The following KATNAL1 variants were observed in gnomAD, a reference collection of about 807,000 sequenced individuals.
The protein encoded by KATNAL1 is katanin p60 ATPase-containing subunit A-like 1.
KATNAL1 carries 32 observed loss-of-function variants against 55.2 expected under a neutral mutation model. The observed-to-expected ratio is 0.58, with a 90% CI of 0.44 to 0.78. The LOEUF (loss-of-function observed/expected upper bound fraction) is 0.78. KATNAL1 is among the 30% of genes least tolerant of loss of function. KATNAL1 has a pLI of 0.00. For missense variants in KATNAL1, 466 were observed against 600.9 expected (o/e 0.78, Z 2.35); for synonymous variants, 193 against 193.6 (o/e 1.00, Z 0.02).
At position 30,202,884 on chromosome 13, in the gene KATNAL1, A is replaced by G. The variant is rs1872812781; in HGVS notation, c.*5656T>C. ...CGAGACACTGTGTCCACTCACAGCC[A>G]TGTTAACTGGGGGCCACTCCCTGCT... On this transcript the variant is annotated 3_prime_UTR_variant, in exon 11 of 11. Coordinates refer to ENST00000380615, the MANE Select transcript of KATNAL1 (RefSeq NM_032116.5). 6.6e-6 allele frequency: 1 copy of G among 152,210 alleles called. No individual in the cohort carries two copies. Among genetic ancestry groups the G allele is most frequent in the East Asian group, 1.9e-4 (1 of 5,202 alleles). 9.4% of individuals were successfully genotyped at this position (152,210 alleles called of 1,614,324 possible). A position where few individuals can be genotyped will look rare whatever the true frequency, so the allele number is the denominator to read the frequency against.
intron 4 of KATNAL1, among the ~76,000 whole-genome samples, chr13:30,252,700 C>CT (rs1878430522): frequency 6.6e-6 from 1 of 152,030 alleles, no homozygotes; most frequent in Non-Finnish European, 1.5e-5. Flanking sequence ...ACACTGGGGA[C>CT]TCCCATATCT....
At chr13:30,262,515 A>C (rs1388007419) in intron 3 of KATNAL1, among the ~76,000 whole-genome samples, 1 of 152,244 alleles carries the variant, frequency 6.6e-6, no homozygotes, top group African/African-American at 2.4e-5. Flanking sequence ...AAATAGATGC[A>C]ATAAAAAATG....
At chr13:30,222,139 G>A (rs11617617) in intron 9 of KATNAL1, among the ~76,000 whole-genome samples, 5,801 of 152,248 alleles carry the variant, frequency 0.038, 147 homozygotes, top group African/African-American at 0.061. Context: ...GGTGGACTTT[G>A]AGTAAAGCAG....
chr13:30,284,102 C>T (rs1881612451), intron 1 of KATNAL1, among the ~76,000 whole-genome samples: 1 of 152,068 alleles, frequency 6.6e-6, no homozygotes, highest in Non-Finnish European at 1.5e-5. Context: ...TTAGGTGATC[C>T]ACCCACCTAA....
chr13:30,283,781 C>G lies in KATNAL1; in HGVS notation c.-4G>C. 3 of 1,605,388 alleles carry G rather than the reference C, an allele frequency of 1.9e-6. No homozygotes were observed. The highest frequency in any genetic ancestry group is 2.6e-6 in the Non-Finnish European group (3 of 1,174,926). ...CACAAATCTCAGCCAAATTCATCTT[C>G]TTTCAGAGACCTAAACATAAAATAT... On this transcript the variant is annotated 5_prime_UTR_variant, in exon 2 of 11. Transcript: ENST00000380615.
At chr13:30,241,893 C>G (rs1877317394) in intron 4 of KATNAL1, among the ~76,000 whole-genome samples, 1 of 152,176 alleles carries the variant, frequency 6.6e-6, no homozygotes, top group East Asian at 1.9e-4. Context: ...AAACAGTATT[C>G]TGGTACTTCA....
At chr13:30,305,091 T>A (rs966173325) in intron 1 of KATNAL1, among the ~76,000 whole-genome samples, 20 of 152,146 alleles carry the variant, frequency 1.3e-4, no homozygotes, top group African/African-American at 4.1e-4. Flanking sequence ...CCCTCCCAGG[T>A]CCATTCTCTA....
In KATNAL1 at chr13:30,242,509, T is replaced by C. The variant is rs576276972; in HGVS notation, c.493-1423A>G. ...CATCTAGTCTAGTGGGGGAAACGAGTAACAAGTAAATAAAGCAAAAACACA... is the reference window on the plus strand; with the variant it reads ...CATCTAGTCTAGTGGGGGAAACGAGCAACAAGTAAATAAAGCAAAAACACA... On this transcript the variant is annotated intron_variant, in intron 4 of 10. Transcript: ENST00000380615. 1.7e-3 allele frequency among the ~76,000 whole-genome samples: 255 copies of C among 151,992 alleles called. 1 individual carries two copies. The highest frequency in any genetic ancestry group is 5.7e-3 in the African/African-American group (237 of 41,456).
In KATNAL1 at chr13:30,204,107, G is replaced by A. The variant is rs1025489657; in HGVS notation, c.*4433C>T. ...TCTCAGGTTCACACAAATATTACGT[G>A]CATCACAAATTAAGTGGTTTCTTTA... On this transcript the variant is annotated 3_prime_UTR_variant, in exon 11 of 11. Transcript: ENST00000380615. 7.2e-5 allele frequency: 11 copies of A among 151,992 alleles called. No homozygotes were observed. The highest frequency in any genetic ancestry group is 1.3e-4 in the Admixed American group (2 of 15,266). The allele number at this position is 151,992 out of a possible 1,614,324, so 9.4% of individuals were successfully genotyped here. A position where few individuals can be genotyped will look rare whatever the true frequency, so the allele number is the denominator to read the frequency against.
intron 1 of KATNAL1, among the ~76,000 whole-genome samples, chr13:30,289,659 T>C (rs1882009834): frequency 6.6e-6 from 1 of 152,242 alleles, no homozygotes; most frequent in Admixed American, 6.5e-5. Context: ...CATAACTCAA[T>C]AATCCATGCT....
intron 6 of KATNAL1, among the ~76,000 whole-genome samples, chr13:30,235,723 T>G (rs1876588162): frequency 6.6e-6 from 1 of 152,202 alleles, no homozygotes; most frequent in African/African-American, 2.4e-5. Context: ...TTTTGGCTGA[T>G]TCTGATTTAC....
chr13:30,223,180 C>G (rs990095233), intron 9 of KATNAL1, among the ~76,000 whole-genome samples: 1 of 152,016 alleles, frequency 6.6e-6, no homozygotes, highest in Non-Finnish European at 1.5e-5. Context: ...CTGTACACAC[C>G]TGTAATCCCA....
At chr13:30,283,126 G>T (rs933928791) in intron 2 of KATNAL1, among the ~76,000 whole-genome samples, 1 of 151,092 alleles carries the variant, frequency 6.6e-6, no homozygotes, top group African/African-American at 2.4e-5. Context: ...AAATTAACTG[G>T]GCGTGGTGGC....
At chr13:30,298,198 A>T (rs1882643097) in intron 1 of KATNAL1, among the ~76,000 whole-genome samples, 1 of 152,250 alleles carries the variant, frequency 6.6e-6, no homozygotes, top group South Asian at 2.1e-4. Context: ...GGTCTGAAAC[A>T]AAGCCCACAG....
At chr13:30,219,712 C>G (rs1315910928) in intron 9 of KATNAL1, among the ~76,000 whole-genome samples, 1 of 152,112 alleles carries the variant, frequency 6.6e-6, no homozygotes, top group Admixed American at 6.5e-5. Context: ...AAAAGCATTT[C>G]CCAGGTTTCA....
intron 6 of KATNAL1, among the ~76,000 whole-genome samples, chr13:30,233,194 T>A (rs999910317): frequency 2.0e-5 from 3 of 152,046 alleles, no homozygotes; most frequent in African/African-American, 7.2e-5. Context: ...AGAAAATATA[T>A]GCAAAATATC....
intron 1 of KATNAL1, among the ~76,000 whole-genome samples, chr13:30,300,932 G>T (rs1017485773): frequency 6.6e-6 from 1 of 151,962 alleles, no homozygotes; most frequent in African/African-American, 2.4e-5. Flanking sequence ...ACTAATATAG[G>T]GTTCTAAGAG....
Position 30,209,561 on chromosome 13 carries a change from A to T in KATNAL1, c.1274+755T>A, listed in dbSNP as rs571123845. 2.6e-5 allele frequency among the ~76,000 whole-genome samples: 4 copies of T among 152,396 alleles called. No homozygotes were observed. The East Asian group carries it at 7.7e-4, about 29-fold the overall frequency. On this transcript the variant is annotated intron_variant, in intron 10 of 10. Transcript: ENST00000380615. Reference sequence around the variant, plus strand: ...AATAAGAAAAAAAATAACTGCAGTGACAGGAACTGTCTAAAACTTATGATG... The same window carrying T: ...AATAAGAAAAAAAATAACTGCAGTGTCAGGAACTGTCTAAAACTTATGATG...
At chr13:30,280,260 T>C (rs2137530423) in intron 2 of KATNAL1, 37 bp from the exon 3 acceptor site, 4 of 1,485,992 alleles carry the variant, frequency 2.7e-6, no homozygotes, top group Non-Finnish European at 3.6e-6. Flanking sequence ...CTAGAAGCTG[T>C]TTAAATACTT....
Sources: gnomAD v4.1 joint callset for allele counts (sites outside exome capture counted in the v4.1 genomes callset) on GRCh38, gnomAD v4.1.1 for gene constraint, MANE v1.5 for transcripts, NCBI Gene and HGNC (gene_info 2026-07-23, HGNC 2026-07-21) for gene names.